ENPP3: variants seen among roughly 807,000 people sequenced by gnomAD.
The protein encoded by ENPP3 is ectonucleotide pyrophosphatase/phosphodiesterase 3.
A neutral mutation model predicts 117.8 loss-of-function variants in ENPP3; 104 were observed. The observed-to-expected ratio is 0.88, with a 90% CI of 0.75 to 1.04. The LOEUF (loss-of-function observed/expected upper bound fraction) is 1.04. Ranked by LOEUF, ENPP3 falls within the 50% of genes least tolerant of loss-of-function variation. The pLI is 0.00. For synonymous variants in ENPP3, 380 were observed against 349.9 expected, an observed-to-expected ratio of 1.09 and a Z score of -0.96; for missense variants, 1,026 against 1,051.9, an observed-to-expected ratio of 0.98 and a Z score of 0.34.
intron 6 of ENPP3, among the ~76,000 whole-genome samples, chr6:131,670,031 G>T (rs930617525): frequency 1.7e-4 from 26 of 152,156 alleles, no homozygotes; most frequent in Admixed American, 6.6e-4. Context: ...ATAGCAATGT[G>T]CCCTAGTGGT....
At chr6:131,733,529 T>C in intron 20 of ENPP3, 59 bp from the exon 21 acceptor site, 8 of 1,569,348 alleles carry the variant, frequency 5.1e-6, no homozygotes, top group African/African-American at 1.4e-5. Context: ...ACAAACCATA[T>C]AAGGCAATGG....
intron 14 of ENPP3, among the ~76,000 whole-genome samples, chr6:131,686,726 A>G (rs1473674317): frequency 6.6e-6 from 1 of 152,162 alleles, no homozygotes; most frequent in Non-Finnish European, 1.5e-5. Flanking sequence ...ACGTGTGTTC[A>G]ATGTTTAGCT....
At chr6:131,673,698 AAGAC>A (rs57685956) in intron 7 of ENPP3, among the ~76,000 whole-genome samples, 32,885 of 150,970 alleles carry the variant, frequency 0.22, 5,547 homozygotes, top group African/African-American at 0.46. Flanking sequence ...AGAGAAAGAA[AAGAC>A]AGACAGACAG....
rs989133152 is a variant in ENPP3, at chr6:131,725,986, A to G, written c.1799-60A>G. The G allele has an allele frequency of 5.1e-6, 6 of 1,182,088 alleles. No individual in the cohort carries two copies. In the South Asian group the frequency reaches 6.4e-5, roughly 13 times the overall value. 73.2% of individuals were successfully genotyped at this position (1,182,088 alleles called of 1,614,324 possible). A position where few individuals can be genotyped will look rare whatever the true frequency, so the allele number is the denominator to read the frequency against. On this transcript the variant is annotated intron_variant, in intron 19 of 24. Coordinates refer to ENST00000357639, the MANE Select transcript of ENPP3 (RefSeq NM_005021.5). ...TAGTTATTATATGGGTAGTTATTAC[A>G]TGCAAAGAAGCATTTGCTAATTTCA...
chr6:131,720,410 A>AAT, intron 17 of ENPP3, 31 bp downstream of exon 17: 1 of 1,134,956 alleles, frequency 8.8e-7, no homozygotes, highest in Non-Finnish European at 1.3e-6. Flanking sequence ...TCGCCAACAA[A>AAT]ATATGGATAG....
intron 20 of ENPP3, among the ~76,000 whole-genome samples, chr6:131,730,678 C>G (rs540545471): frequency 1.8e-4 from 28 of 152,038 alleles, no homozygotes; most frequent in Non-Finnish European, 3.4e-4. Context: ...CACTTTGGGA[C>G]GCTGAGTGGA....
rs1347607538 is a variant in ENPP3 at position 131,674,276 on chromosome 6, C to A, written c.757C>A (p.Gln253Lys). ...EQNNPAWWHGQPMWLTAMYQG... is the reference protein window; with the variant it reads ...EQNNPAWWHGKPMWLTAMYQG... ...AAATAATCCAGCCTGGTGGCATGGG[C>A]AACCAGTATGTAGCATTCTACACGT... The change falls in exon 8 of 25, where the codon CAA (glutamine) becomes AAA (lysine). Residue 253 changes from glutamine (Q) to lysine (K), a missense_variant. By Grantham distance (53) the Gln-to-Lys change is moderately conservative (BLOSUM62 1). Coordinates refer to ENST00000357639, the MANE Select transcript of ENPP3 (RefSeq NM_005021.5). 6.2e-7 allele frequency: 1 copy of A among 1,613,656 alleles called. No individual in the cohort carries two copies. Among genetic ancestry groups the A allele is most frequent in the Non-Finnish European group, 8.5e-7 (1 of 1,179,692 alleles).
At chr6:131,664,382 A>G (rs1778571676) in intron 6 of ENPP3, among the ~76,000 whole-genome samples, 1 of 152,214 alleles carries the variant, frequency 6.6e-6, no homozygotes, top group African/African-American at 2.4e-5. Context: ...ACAACTGTGC[A>G]ATGTGTTTGT....
At chr6:131,740,466 AT>A (rs990333994) in intron 24 of ENPP3, 86 bp downstream of exon 24, 298 of 1,038,480 alleles carry the variant, frequency 2.9e-4, no homozygotes, top group Non-Finnish European at 3.5e-4. Flanking sequence ...TGACTAAAAC[AT>A]TTTTTTTAGG....
In ENPP3 at chr6:131,676,810, T is replaced by A; in HGVS notation, c.938+9T>A. 1 of 1,595,832 alleles carries A rather than the reference T, an allele frequency of 6.3e-7. No homozygotes were observed. Among genetic ancestry groups the A allele is most frequent in the South Asian group, 1.1e-5 (1 of 90,536 alleles). On this transcript the variant is annotated intron_variant, in intron 10 of 24. Coordinates refer to ENST00000357639, the MANE Select transcript of ENPP3 (RefSeq NM_005021.5). ...CTGCCCAAAGCTGAAAGGTAATGTCTAGTGTCAGAAAAGTGCTGGCATAGT... is the reference window on the plus strand; with the variant it reads ...CTGCCCAAAGCTGAAAGGTAATGTCAAGTGTCAGAAAAGTGCTGGCATAGT...
At chr6:131,649,753 G>T (rs1429206724) in intron 2 of ENPP3, among the ~76,000 whole-genome samples, 1 of 151,924 alleles carries the variant, frequency 6.6e-6, no homozygotes. Context: ...ATGGGGTTTT[G>T]CCATGTTAGC....
chr6:131,683,530 C>T (rs1779077805), intron 12 of ENPP3, among the ~76,000 whole-genome samples: 1 of 152,162 alleles, frequency 6.6e-6, no homozygotes, highest in Non-Finnish European at 1.5e-5. Flanking sequence ...AGTTTTGCCA[C>T]ACCGTGTGTA....
Position 131,658,435 on chromosome 6 carries a change from A to G in ENPP3, c.562+15A>G. ...CAATAAACTGAGTAAGTCTTCTGTA[A>G]CTAGTGGCATGCAAATGATAAAGAC... On this transcript the variant is annotated intron_variant, in intron 6 of 24. Coordinates refer to ENST00000357639, the MANE Select transcript of ENPP3 (RefSeq NM_005021.5). 7.6e-7 allele frequency: 1 copy of G among 1,311,370 alleles called. No homozygotes were observed. The highest frequency in any genetic ancestry group is 1.1e-6 in the Non-Finnish European group (1 of 906,040). 81.2% of individuals were successfully genotyped at this position (1,311,370 alleles called of 1,614,324 possible). A position where few individuals can be genotyped will look rare whatever the true frequency, so the allele number is the denominator to read the frequency against.
At chr6:131,669,862 T>A (rs1385667156) in intron 6 of ENPP3, among the ~76,000 whole-genome samples, 1 of 152,096 alleles carries the variant, frequency 6.6e-6, no homozygotes, top group South Asian at 2.1e-4. Context: ...AAAACACTCA[T>A]TGTGTTCAGC....
intron 15 of ENPP3, among the ~76,000 whole-genome samples, chr6:131,702,562 A>G (rs1779562761): frequency 6.7e-6 from 1 of 150,238 alleles, no homozygotes; most frequent in African/African-American, 2.5e-5. Flanking sequence ...ATTGATAAAC[A>G]CTCTAGAATA....
chr6:131,682,752 C>T (rs1223410555), intron 11 of ENPP3, among the ~76,000 whole-genome samples: 1 of 152,130 alleles, frequency 6.6e-6, no homozygotes, highest in African/African-American at 2.4e-5. Context: ...CTGAGAGCAT[C>T]GCTATGAAAA....
intron 2 of ENPP3, among the ~76,000 whole-genome samples, chr6:131,642,261 C>T (rs563900052): frequency 1.1e-4 from 16 of 152,172 alleles, no homozygotes; most frequent in African/African-American, 2.9e-4. Flanking sequence ...CTTGACACCA[C>T]GCTAGAGTTG....
chr6:131,651,227 G>A (rs895575553), intron 3 of ENPP3, among the ~76,000 whole-genome samples: 3 of 152,126 alleles, frequency 2.0e-5, no homozygotes, highest in African/African-American at 7.2e-5. Context: ...GCCTCGGCAA[G>A]TAATTTGGAA....
At chr6:131,668,682 T>G (rs1766778586) in intron 6 of ENPP3, among the ~76,000 whole-genome samples, 1 of 152,200 alleles carries the variant, frequency 6.6e-6, no homozygotes, top group Non-Finnish European at 1.5e-5. Context: ...AATTGTTTTT[T>G]TAGAAGTAAA....
Sources: gnomAD v4.1 joint callset for allele counts (sites outside exome capture counted in the v4.1 genomes callset) on GRCh38, gnomAD v4.1.1 for gene constraint, MANE v1.5 for transcripts, NCBI Gene and HGNC (gene_info 2026-07-23, HGNC 2026-07-21) for gene names.